The following MAP3K1 variants were observed in gnomAD, a reference collection of about 807,000 sequenced individuals.
MAP3K1 encodes mitogen-activated protein kinase kinase kinase 1, also known as MAP/ERK kinase kinase 1.
In MAP3K1, 36 loss-of-function variants were observed where a neutral mutation model predicts 144.2. The ratio of observed to expected loss-of-function variants is 0.25; its 90% CI spans 0.19 to 0.33. The LOEUF (loss-of-function observed/expected upper bound fraction) is 0.33. MAP3K1 is among the 10% of genes least tolerant of loss of function. The pLI is 1.00. For synonymous variants in MAP3K1, 718 were observed against 688.7 expected (o/e 1.04, Z -0.67); for missense variants, 1,650 against 1,881.9 (o/e 0.88, Z 2.28).
At chr5:56,860,322 G>A (rs1235816721) in intron 3 of MAP3K1, among the ~76,000 whole-genome samples, 2 of 152,096 alleles carry the variant, frequency 1.3e-5, no homozygotes, top group African/African-American at 2.4e-5. Flanking sequence ...TAGTAAATAC[G>A]TGCCTTTGTA....
At chr5:56,820,275 C>A in intron 1 of MAP3K1, 1 of 219,376 alleles carries the variant, frequency 4.6e-6, no homozygotes, top group African/African-American at 2.3e-5. Flanking sequence ...GATTACACAA[C>A]TAGAAGACAG....
In MAP3K1 at chr5:56,881,747, C is replaced by G. The variant is rs978200089; in HGVS notation, c.2547C>G (p.Phe849Leu). The G allele has an allele frequency of 5.6e-6, 9 of 1,614,004 alleles. No homozygotes were observed. In the Admixed American group the frequency reaches 8.3e-5, roughly 15 times the overall value. The change falls in exon 14 of 20, where the codon TTC becomes TTG. Residue 849 changes from phenylalanine (F) to leucine (L), a missense_variant. Phe to Leu is a conservative substitution (Grantham distance 22). Transcript: ENST00000399503. ...TGAGTGTTTCCAGTTCCACTCACTT[C>G]ACCAGGATGCGTCGCCGTTTGATGG... ...EMLSVSSSTH[F>L]TRMRRRLMAI...
intron 1 of MAP3K1, among the ~76,000 whole-genome samples, chr5:56,817,305 C>T (rs1328824860): frequency 6.6e-6 from 1 of 152,144 alleles, no homozygotes; most frequent in Admixed American, 6.5e-5. Flanking sequence ...TTGTGATAGT[C>T]CCTCGTGGCC....
rs747612606 is a variant in MAP3K1 at position 56,856,738 on chromosome 5, G to T, written c.621G>T (p.Arg207Ser). 6.2e-7 allele frequency: 1 copy of T among 1,613,928 alleles called. No individual in the cohort carries two copies. The highest frequency in any genetic ancestry group is 2.2e-5 in the East Asian group (1 of 44,880). The part of the protein sequence containing the change: ...WKHEWLERRN[R>S]RGPVVVKPIP... ...ACGAATGGTTGGAAAGGAGAAATAG[G>T]CGAGGGCCTGTGGTAAGTGGCTATG... Residue 207 changes from arginine to serine, a missense_variant, in exon 2 of 20, where the codon AGG becomes AGT. By Grantham distance (110) the Arg-to-Ser change is moderately radical. Coordinates refer to ENST00000399503, the MANE Select transcript of MAP3K1 (RefSeq NM_005921.2).
chr5:56,829,396 T>G (rs1746420489), intron 1 of MAP3K1, among the ~76,000 whole-genome samples: 1 of 146,862 alleles, frequency 6.8e-6, no homozygotes, highest in Admixed American at 6.9e-5. Context: ...CCATGTTGCC[T>G]AAGCCGGTCT....
chr5:56,825,927 A>G (rs252915), intron 1 of MAP3K1, among the ~76,000 whole-genome samples: 116,965 of 151,964 alleles, frequency 0.77, 45,380 homozygotes, highest in Non-Finnish European at 0.82. Context: ...CCGTCATTTC[A>G]GCATCGTGCT....
intron 10 of MAP3K1, among the ~76,000 whole-genome samples, chr5:56,876,278 C>G (rs1176096079): frequency 1.3e-5 from 2 of 151,924 alleles, no homozygotes; most frequent in East Asian, 3.9e-4. Context: ...CCGATCATGC[C>G]CCCAGTTATG....
chr5:56,824,012 A>C (rs536199810), intron 1 of MAP3K1, among the ~76,000 whole-genome samples: 1 of 152,338 alleles, frequency 6.6e-6, no homozygotes, highest in African/African-American at 2.4e-5. Flanking sequence ...TAAACTTAAG[A>C]TATCATTTTT....
At chr5:56,838,607 C>T (rs1027890265) in intron 1 of MAP3K1, among the ~76,000 whole-genome samples, 3 of 152,130 alleles carry the variant, frequency 2.0e-5, no homozygotes, top group Non-Finnish European at 4.4e-5. Flanking sequence ...TTAATGATTG[C>T]CTGAGTTAAC....
In MAP3K1 at chr5:56,856,632, G is replaced by A. The variant is rs368874835; in HGVS notation, c.515G>A (p.Gly172Glu). The change falls in exon 2 of 20, where the codon GGG becomes GAG. Residue 172 changes from glycine to glutamate, a missense_variant. Gly to Glu is a moderately conservative substitution (Grantham distance 98). Transcript: ENST00000399503. Reference protein sequence around the residue: ...REMENKETLKGLHKMDDRPEE... With the variant: ...REMENKETLKELHKMDDRPEE... ...ATGGAGAATAAAGAAACTCTCAAAG[G>A]GTTGCACAAGATGGATGATCGTCCA... is the stretch of plus-strand genomic sequence containing the variant. 2.2e-5 allele frequency: 35 copies of A among 1,613,734 alleles called. No individual in the cohort carries two copies. In the African/African-American group the frequency reaches 3.6e-4, roughly 17 times the overall value.
intron 17 of MAP3K1, 95 bp downstream of exon 17, chr5:56,886,158 C>T (rs1748373097): frequency 1.0e-6 from 1 of 1,003,946 alleles, no homozygotes; most frequent in Admixed American, 1.8e-5. Flanking sequence ...AATCCCAGTA[C>T]TTTGGGAGGT....
Position 56,886,044 on chromosome 5 carries a change from C to T in MAP3K1, c.4095C>T (p.Ile1365=). Residue 1365 remains isoleucine, a synonymous_variant, in exon 17 of 20, where the codon ATC becomes ATT. Coordinates refer to ENST00000399503, the MANE Select transcript of MAP3K1 (RefSeq NM_005921.2). ...TTTCGTATCTCCATGAAAACCAAAT[C>T]ATTCACAGAGATGTCAAAGGTGAGA... is the stretch of plus-strand genomic sequence containing the variant. ...RGLSYLHENQ[I]IHRDVKGANL... is the part of the protein sequence containing the mutation. 1 of 1,611,734 alleles carries T rather than the reference C, an allele frequency of 6.2e-7. No individual in the cohort carries two copies. The highest frequency in any genetic ancestry group is 8.5e-7 in the Non-Finnish European group (1 of 1,177,948).
chr5:56,820,992 AAG>A (rs1746137454), intron 1 of MAP3K1, among the ~76,000 whole-genome samples: 1 of 152,242 alleles, frequency 6.6e-6, no homozygotes, highest in South Asian at 2.1e-4. Flanking sequence ...GAAAATTAAA[AAG>A]GAGATACGGG....
In MAP3K1 at chr5:56,893,536, T is replaced by C. The variant is rs1408237282; in HGVS notation, c.4395T>C (p.Ala1465=). Residue 1465 remains alanine, a synonymous_variant, in exon 20 of 20, where the codon GCT becomes GCC. Coordinates refer to ENST00000399503, the MANE Select transcript of MAP3K1 (RefSeq NM_005921.2). ...CACTGGCTTTTTCTCCACAGATTGCTAGTGCAACTACTGCTCCATCGATCC... is the reference window on the plus strand; with the variant it reads ...CACTGGCTTTTTCTCCACAGATTGCCAGTGCAACTACTGCTCCATCGATCC... ...SNHLALIFKI[A]SATTAPSIPS... 1.2e-6 allele frequency: 2 copies of C among 1,613,898 alleles called. No individual in the cohort carries two copies. The highest frequency in any genetic ancestry group is 1.1e-5 in the South Asian group (1 of 91,084).
At chr5:56,882,947 G>C in intron 14 of MAP3K1, 81 bp downstream of exon 14, 2 of 1,103,668 alleles carry the variant, frequency 1.8e-6, no homozygotes, top group Admixed American at 1.9e-5. Flanking sequence ...CCAGCACTTG[G>C]GGAGGCTGAG....
At position 56,865,900 on chromosome 5, in the gene MAP3K1, C is replaced by G; in HGVS notation, c.1224C>G (p.Ile408Met). The G allele has an allele frequency of 6.2e-7, 1 of 1,613,458 alleles. No individual in the cohort carries two copies. Among genetic ancestry groups the G allele is most frequent in the Non-Finnish European group, 8.5e-7 (1 of 1,179,430 alleles). The change falls in exon 6 of 20, where the codon ATC becomes ATG. Residue 408 changes from isoleucine (I) to methionine (M), a missense_variant. Physicochemically the swap from Ile to Met is conservative, Grantham distance 10 (BLOSUM62 1). Around this residue, in one of 6 missense-constraint regions of MAP3K1, gnomAD observed 125 missense variants for 179.9 expected, o/e 0.69. Coordinates refer to ENST00000399503, the MANE Select transcript of MAP3K1 (RefSeq NM_005921.2). ...TCAAAGCTCCATCTCGTAACACCAT[C>G]CAGAAGTTTGTTTCACGCATGTCAA... ...SRIKAPSRNT[I>M]QKFVSRMSNS...
Position 56,864,817 on chromosome 5 carries a change from C to T in MAP3K1, c.918C>T (p.Arg306=), listed in dbSNP as rs753695615. 22 of 1,613,976 alleles carry T rather than the reference C, an allele frequency of 1.4e-5. No individual in the cohort carries two copies. Among genetic ancestry groups the T allele is most frequent in the Middle Eastern group, 1.6e-4 (1 of 6,084 alleles). The stretch of plus-strand genomic sequence containing the variant: ...CATATAGCCCTGAGGAAACAAACCG[C>T]CGTGTTAACAAAGTGATGCGGGCCA... ...FSPYSPEETN[R]RVNKVMRARL... Residue 306 remains arginine, a synonymous_variant, in exon 4 of 20, where the codon CGC becomes CGT. Coordinates refer to ENST00000399503, the MANE Select transcript of MAP3K1 (RefSeq NM_005921.2).
chr5:56,863,370 A>G (rs1329776655), intron 3 of MAP3K1, among the ~76,000 whole-genome samples: 1 of 152,234 alleles, frequency 6.6e-6, no homozygotes, highest in African/African-American at 2.4e-5. Flanking sequence ...TAATTTGCCT[A>G]TTCTGGACAT....
chr5:56,875,103 T>C lies in MAP3K1; in HGVS notation c.1758T>C (p.Arg586=). ...NWNVREMALR[R]LSHDVSGALL... Reference sequence around the variant, plus strand: ...ATGTGAGAGAGATGGCCCTCAGGCGTCTTTCCCATGATGTCAGTGGGGCCC... The same window carrying C: ...ATGTGAGAGAGATGGCCCTCAGGCGCCTTTCCCATGATGTCAGTGGGGCCC... Residue 586 remains arginine (R), a synonymous_variant, in exon 10 of 20, where the codon CGT becomes CGC. Coordinates refer to ENST00000399503, the MANE Select transcript of MAP3K1 (RefSeq NM_005921.2). 5 of 1,614,192 alleles carry C rather than the reference T, an allele frequency of 3.1e-6. No homozygotes were observed. In the South Asian group the frequency reaches 5.5e-5, roughly 18 times the overall value.
Sources: gnomAD v4.1 joint callset for allele counts (sites outside exome capture counted in the v4.1 genomes callset) on GRCh38, gnomAD v4.1.1 for gene constraint, gnomAD v4.1.1 regional missense constraint, MANE v1.5 for transcripts, NCBI Gene and HGNC (gene_info 2026-07-23, HGNC 2026-07-21) for gene names.